Variants in MYO1D observed in about 807,000 individuals in gnomAD.
MYO1D encodes unconventional myosin-Id.
A neutral mutation model predicts 122.0 loss-of-function variants in MYO1D; 83 were observed. That is an observed-to-expected ratio of 0.68 (90% confidence interval 0.57 to 0.82). The LOEUF is 0.82. Ranked by LOEUF, MYO1D falls within the 40% of genes least tolerant of loss-of-function variation. The pLI is 0.00. For missense variants in MYO1D, 1,157 were observed against 1,269.5 expected, an observed-to-expected ratio of 0.91 and a Z score of 1.35; for synonymous variants, 464 against 446.9, an observed-to-expected ratio of 1.04 and a Z score of -0.48.
In MYO1D at chr17:32,876,763, C is replaced by T; in HGVS notation, c.95+15G>A. The T allele has an allele frequency of 6.7e-7, 1 of 1,493,788 alleles. No individual in the cohort carries two copies. The highest frequency in any genetic ancestry group is 8.9e-7 in the Non-Finnish European group (1 of 1,120,344). 92.5% of individuals were successfully genotyped at this position (1,493,788 alleles called of 1,614,324 possible). A position where few individuals can be genotyped will look rare whatever the true frequency, so the allele number is the denominator to read the frequency against. ...CGCAGCCTCGCGCCCCTGCGCGCGGCCGCTCCGCCCTCACCTGAGCCTGAG... is the reference window on the plus strand; with the variant it reads ...CGCAGCCTCGCGCCCCTGCGCGCGGTCGCTCCGCCCTCACCTGAGCCTGAG... On this transcript the variant is annotated intron_variant, in intron 1 of 21. Coordinates refer to ENST00000318217, the MANE Select transcript of MYO1D (RefSeq NM_015194.3).
chr17:32,804,013 T>C (rs1045205183), intron 1 of MYO1D, among the ~76,000 whole-genome samples: 3 of 152,224 alleles, frequency 2.0e-5, no homozygotes, highest in Admixed American at 6.5e-5. Context: ...CTAGTAATAC[T>C]AGTATTTATA....
chr17:32,837,406 T>C (rs1030587832), intron 1 of MYO1D, among the ~76,000 whole-genome samples: 3 of 152,106 alleles, frequency 2.0e-5, no homozygotes, highest in African/African-American at 7.2e-5. Context: ...ATGTTCATTG[T>C]TAATGGCTAT....
chr17:32,800,854 C>T (rs754746350), intron 1 of MYO1D, among the ~76,000 whole-genome samples: 3 of 152,024 alleles, frequency 2.0e-5, no homozygotes, highest in African/African-American at 4.8e-5. Context: ...ACTACAGGTG[C>T]GTGCCACAAC....
chr17:32,784,469 T>C (rs547806660), intron 1 of MYO1D, among the ~76,000 whole-genome samples: 1 of 152,182 alleles, frequency 6.6e-6, no homozygotes, highest in East Asian at 1.9e-4. Context: ...TTTTTAGAAC[T>C]TCCTAAATGG....
chr17:32,621,720 A>T (rs1428990438), intron 20 of MYO1D, among the ~76,000 whole-genome samples: 1 of 151,842 alleles, frequency 6.6e-6, no homozygotes, highest in Non-Finnish European at 1.5e-5. Flanking sequence ...AATGTCTGTG[A>T]CCTCCCATAT....
chr17:32,612,918 G>A lies in MYO1D; in HGVS notation c.2710-7677C>T, dbSNP rs1251125929. On this transcript the variant is annotated intron_variant, in intron 20 of 21. Coordinates refer to ENST00000318217, the MANE Select transcript of MYO1D (RefSeq NM_015194.3). ...CATGCAGCTGGGACCACAGGAGCAC[G>A]TCACCACACCCGGCTAGTTTTTGTA... Among the ~76,000 whole-genome samples the A allele has an allele frequency of 2.6e-5, 4 of 151,824 alleles. No individual in the cohort carries two copies. In the South Asian group the frequency reaches 6.3e-4, roughly 24 times the overall value.
chr17:32,568,111 C>G (rs573459932), intron 21 of MYO1D, among the ~76,000 whole-genome samples: 10 of 148,976 alleles, frequency 6.7e-5, no homozygotes, highest in Non-Finnish European at 4.4e-5. Flanking sequence ...ACATTAAGTC[C>G]TTTTTCCCAA....
chr17:32,666,294 T>C (rs1170851088), intron 16 of MYO1D, among the ~76,000 whole-genome samples: 2 of 152,206 alleles, frequency 1.3e-5, no homozygotes, highest in African/African-American at 2.4e-5. Flanking sequence ...TGCCTTGTTC[T>C]CTGCAGGCAC....
intron 6 of MYO1D, 58 bp downstream of exon 6, chr17:32,771,067 C>G (rs1047870875): frequency 1.5e-6 from 2 of 1,307,912 alleles, no homozygotes; most frequent in Non-Finnish European, 1.1e-6. Context: ...TATTGAATGT[C>G]TCTTCTAATC....
chr17:32,559,250 G>C (rs1197375480), intron 21 of MYO1D, among the ~76,000 whole-genome samples: 1 of 152,190 alleles, frequency 6.6e-6, no homozygotes, highest in African/African-American at 2.4e-5. Context: ...ACTGTTTTCT[G>C]AAGCGCAATT....
At chr17:32,572,429 T>TA (rs1293504471) in intron 21 of MYO1D, among the ~76,000 whole-genome samples, 19 of 152,296 alleles carry the variant, frequency 1.2e-4, no homozygotes, top group African/African-American at 4.6e-4. Context: ...TTCGCCCACA[T>TA]AAGTCCTGTC....
At chr17:32,646,123 T>C (rs767306980) in intron 19 of MYO1D, among the ~76,000 whole-genome samples, 1 of 152,180 alleles carries the variant, frequency 6.6e-6, no homozygotes, top group Non-Finnish European at 1.5e-5. Flanking sequence ...CTTCTAACAG[T>C]CAGGATCCCA....
intron 21 of MYO1D, among the ~76,000 whole-genome samples, chr17:32,553,426 T>C (rs372834744): frequency 5.9e-5 from 9 of 152,238 alleles, no homozygotes; most frequent in African/African-American, 1.9e-4. Flanking sequence ...GAGAGTATTG[T>C]GGGTGGAGGA....
In MYO1D at chr17:32,558,842, C is replaced by T. The variant is rs2087092314; in HGVS notation, c.2864+46245G>A. On this transcript the variant is annotated intron_variant, in intron 21 of 21. Transcript: ENST00000318217. ...ATGCTGGAGCCAGACTGTCTGAGCT[C>T]TGGTCCATTACTATAATAATTAGCT... 2.0e-5 allele frequency among the ~76,000 whole-genome samples: 3 copies of T among 152,212 alleles called. No individual in the cohort carries two copies. The South Asian group carries it at 6.2e-4, about 32-fold the overall frequency.
chr17:32,779,213 T>G (rs2090211039), intron 2 of MYO1D, among the ~76,000 whole-genome samples: 1 of 152,032 alleles, frequency 6.6e-6, no homozygotes, highest in African/African-American at 2.4e-5. Flanking sequence ...CCTAAGGAAA[T>G]ACTAAAAAAT....
intron 1 of MYO1D, among the ~76,000 whole-genome samples, chr17:32,785,712 CTTT>C (rs1354310495): frequency 1.3e-5 from 2 of 152,212 alleles, no homozygotes; most frequent in African/African-American, 4.8e-5. Context: ...CTATTGGCTT[CTTT>C]GAGCCACGTT....
At chr17:32,572,856 C>CT (rs1398765125) in intron 21 of MYO1D, among the ~76,000 whole-genome samples, 2 of 152,062 alleles carry the variant, frequency 1.3e-5, no homozygotes, top group African/African-American at 2.4e-5. Context: ...GGGTCACTCT[C>CT]TGACAGGCTT....
rs538561860 is a variant in MYO1D at position 32,659,475 on chromosome 17, A to G, written c.2122-137T>C. On this transcript the variant is annotated intron_variant, in intron 16 of 21. Coordinates refer to ENST00000318217, the MANE Select transcript of MYO1D (RefSeq NM_015194.3). ...GTGCACAAAAATCAGCCAGAGCCAA[A>G]GCATGTCAGTTCCACCTGCCACCAA... is the stretch of plus-strand genomic sequence containing the variant. 1.2e-4 allele frequency: 92 copies of G among 787,130 alleles called. 1 individual carries two copies. The South Asian group carries it at 1.5e-3, about 13-fold the overall frequency. The allele number at this position is 787,130 out of a possible 1,614,324, so 48.8% of individuals were successfully genotyped here.
intron 16 of MYO1D, among the ~76,000 whole-genome samples, chr17:32,702,853 G>A (rs1354766121): frequency 3.9e-5 from 6 of 152,094 alleles, no homozygotes; most frequent in Non-Finnish European, 5.9e-5. Flanking sequence ...TACAAGCTGC[G>A]AGCCACAATT....
Sources: allele counts gnomAD v4.1 joint callset (sites outside exome capture counted in the v4.1 genomes callset), GRCh38; gene constraint gnomAD v4.1.1; transcripts MANE v1.5; gene names NCBI Gene and HGNC (gene_info 2026-07-23, HGNC 2026-07-21).